The following PBRM1 variants were observed in gnomAD, a reference collection of about 807,000 sequenced individuals.
The protein encoded by PBRM1 is protein polybromo-1.
A neutral mutation model predicts 194.5 loss-of-function variants in PBRM1; 27 were observed. That is an observed-to-expected ratio of 0.14 (90% confidence interval 0.10 to 0.19). The LOEUF is 0.19. Among genes scored for constraint, PBRM1 ranks in the 10% least tolerant of loss-of-function variants. The probability of loss-of-function intolerance (pLI) is 1.00; values close to 1 mark genes in which losing one functional copy is unlikely to be tolerated. For synonymous variants in PBRM1, 655 were observed against 693.2 expected (o/e 0.94, Z 0.87); for missense variants, 1,466 against 2,077.2 (o/e 0.71, Z 5.72).
intron 10 of PBRM1, among the ~76,000 whole-genome samples, chr3:52,637,992 C>T (rs941730068): frequency 6.6e-6 from 1 of 151,770 alleles, no homozygotes; most frequent in Non-Finnish European, 1.5e-5. Context: ...ATATCAATAT[C>T]CCCCTCTCTT....
chr3:52,587,696 C>A (rs1193242554), intron 18 of PBRM1, among the ~76,000 whole-genome samples, 186 bp from the exon 21 acceptor site: 2 of 150,902 alleles, frequency 1.3e-5, no homozygotes, highest in Admixed American at 6.7e-5. Context: ...AAGTATAAGT[C>A]ACTGTGTCCA....
intron 17 of PBRM1, among the ~76,000 whole-genome samples, chr3:52,596,947 T>C (rs1317305476): frequency 6.6e-6 from 1 of 152,134 alleles, no homozygotes; most frequent in Admixed American, 6.5e-5. Context: ...TTCAAGTTTA[T>C]TTAGGACCCC....
chr3:52,597,256 T>A (rs562348632), intron 17 of PBRM1, among the ~76,000 whole-genome samples: 2 of 152,338 alleles, frequency 1.3e-5, no homozygotes, highest in East Asian at 3.9e-4. Flanking sequence ...ACTGTGATTG[T>A]TTACCTGATT....
intron 2 of PBRM1, among the ~76,000 whole-genome samples, chr3:52,677,572 C>T (rs369110796): frequency 2.6e-5 from 4 of 152,284 alleles, no homozygotes; most frequent in African/African-American, 9.6e-5. Context: ...ACCACCAAGC[C>T]TGGCTAATTT....
upstream of PBRM1, among the ~76,000 whole-genome samples, chr3:52,682,625 CAAG>C (rs2097223440): frequency 6.6e-6 from 1 of 152,076 alleles, no homozygotes; most frequent in African/African-American, 2.4e-5. Flanking sequence ...GAAAGTCTGA[CAAG>C]AAGGGCAATG....
intron 19 of PBRM1, 60 bp from the exon 22 acceptor site, chr3:52,586,748 C>T: frequency 1.1e-5 from 2 of 180,398 alleles, no homozygotes; most frequent in Non-Finnish European, 9.5e-6. Context: ...GAAAATCAAT[C>T]AAAAAAAAAA....
chr3:52,564,804 G>A (rs1181782310), intron 22 of PBRM1, among the ~76,000 whole-genome samples: 2 of 152,122 alleles, frequency 1.3e-5, no homozygotes, highest in Non-Finnish European at 2.9e-5. Context: ...CAATTCATTG[G>A]GGGAAAGAAC....
rs1222334482 is a variant in PBRM1 at position 52,550,660 on chromosome 3, G to T, written c.4681-23C>A. Reference sequence around the variant, plus strand: ...CACCTGAAAGAGCACAGGACCACATGGTGAGGCAAAAAGAGACTCTGCACA... The same window carrying T: ...CACCTGAAAGAGCACAGGACCACATTGTGAGGCAAAAAGAGACTCTGCACA... On this transcript the variant is annotated intron_variant, in intron 28 of 29. Coordinates refer to ENST00000296302, the Ensembl canonical transcript of PBRM1. 3.8e-6 allele frequency: 6 copies of T among 1,562,302 alleles called. No individual in the cohort carries two copies. In the South Asian group the frequency reaches 7.2e-5, roughly 19 times the overall value.
At position 52,609,675 on chromosome 3, in the gene PBRM1, G is replaced by A. The variant is rs370581730; in HGVS notation, c.2205C>T (p.Ala735=). Residue 735 remains alanine, a synonymous_variant, in exon 16 of 30, where the codon GCC becomes GCT. Coordinates refer to ENST00000296302, the Ensembl canonical transcript of PBRM1. The surrounding 1 kb of genome is among the most constrained non-coding windows in gnomAD (Gnocchi z 4.1). ...AAGACTCCGGCTCATTGTATGTACAGGCATTATTAAACATCATGACAAAGT... is the reference window on the plus strand; with the variant it reads ...AAGACTCCGGCTCATTGTATGTACAAGCATTATTAAACATCATGACAAAGT... The A allele has an allele frequency of 3.1e-6, 5 of 1,613,362 alleles. No homozygotes were observed. Among genetic ancestry groups the A allele is most frequent in the Non-Finnish European group, 4.2e-6 (5 of 1,179,570 alleles).
chr3:52,661,459 A>G (rs1487909842), intron 4 of PBRM1, among the ~76,000 whole-genome samples: 1 of 152,222 alleles, frequency 6.6e-6, no homozygotes, highest in African/African-American at 2.4e-5. Context: ...AGAGAAAAAC[A>G]TGTAAACTAG....
chr3:52,588,680 G>A (rs750431792), intron 18 of PBRM1, among the ~76,000 whole-genome samples: 3 of 149,326 alleles, frequency 2.0e-5, no homozygotes, highest in Non-Finnish European at 4.4e-5. Context: ...TCAGCCTCCC[G>A]AGTAGCTGGG....
exon 22 of PBRM1, chr3:52,576,640 G>C (rs2153660474): frequency 6.2e-7 from 1 of 1,608,004 alleles, no homozygotes; most frequent in East Asian, 2.2e-5. Flanking sequence ...TCTTCTGGGT[G>C]AATGAAGATG....
intron 5 of PBRM1, among the ~76,000 whole-genome samples, chr3:52,657,749 C>T (rs562658292): frequency 2.6e-5 from 4 of 150,974 alleles, no homozygotes; most frequent in East Asian, 3.9e-4. Flanking sequence ...GGATTACAGG[C>T]GTGAGCCACT....
intron 7 of PBRM1, among the ~76,000 whole-genome samples, chr3:52,646,953 T>A (rs1332911568): frequency 6.6e-6 from 1 of 152,058 alleles, no homozygotes. Context: ...ACAGACACAA[T>A]CACAAAAGTG....
At chr3:52,667,120 C>T (rs1042224470) in intron 3 of PBRM1, among the ~76,000 whole-genome samples, 1 of 152,078 alleles carries the variant, frequency 6.6e-6, no homozygotes, top group African/African-American at 2.4e-5. Context: ...TCAATCCCAG[C>T]TGCATTTATT....
rs556599502 is a variant in PBRM1 at position 52,639,255 on chromosome 3, C to T, written c.1087+2699G>A. ...GCTCCAAAAGTGCCGGGATTACAGG[C>T]GTGAGCCACCAAGCCTGGCCTTATT... is the stretch of plus-strand genomic sequence containing the variant. On this transcript the variant is annotated intron_variant, in intron 10 of 29. Coordinates refer to ENST00000296302, the Ensembl canonical transcript of PBRM1. Among the ~76,000 whole-genome samples, 342 of 152,140 alleles carry T rather than the reference C, an allele frequency of 2.2e-3. 1 individual carries two copies. The highest frequency in any genetic ancestry group is 7.7e-3 in the African/African-American group (318 of 41,496).
At chr3:52,586,285 T>G in intron 20 of PBRM1, 140 bp downstream of exon 22, 1 of 712,986 alleles carries the variant, frequency 1.4e-6, no homozygotes. Context: ...AATTTCTTTC[T>G]GTTATAGTTT....
intron 15 of PBRM1, among the ~76,000 whole-genome samples, chr3:52,614,129 T>G (rs996232006): frequency 6.6e-6 from 1 of 152,062 alleles, no homozygotes; most frequent in Non-Finnish European, 1.5e-5. Flanking sequence ...TCCCAGCACT[T>G]TGGGAGGCCA....
intron 17 of PBRM1, among the ~76,000 whole-genome samples, chr3:52,593,850 T>C (rs373253156): frequency 6.6e-6 from 1 of 152,202 alleles, no homozygotes; most frequent in Non-Finnish European, 1.5e-5. Context: ...TCCAATTGTG[T>C]GGTTGATATT....
Sources: allele counts gnomAD v4.1 joint callset (sites outside exome capture counted in the v4.1 genomes callset), GRCh38; gene constraint gnomAD v4.1.1; non-coding constraint Gnocchi (gnomAD v3.1); transcripts MANE v1.5; gene names NCBI Gene and HGNC (gene_info 2026-07-23, HGNC 2026-07-21).